The following CAMK2D variants were observed in gnomAD, a reference collection of about 807,000 sequenced individuals.
CAMK2D encodes the protein calcium/calmodulin-dependent protein kinase type II subunit delta.
Under a neutral mutation model 84.0 loss-of-function variants are expected in CAMK2D, and 37 were observed. The ratio of observed to expected loss-of-function variants is 0.44; its 90% confidence interval spans 0.34 to 0.58. CAMK2D has a LOEUF of 0.58. CAMK2D is among the 20% of genes least tolerant of loss of function. The pLI, the probability that CAMK2D is intolerant of heterozygous loss-of-function variation, is 0.02. For synonymous variants in CAMK2D, 202 were observed against 212.5 expected, an observed-to-expected ratio of 0.95 and a Z score of 0.43; for missense variants, 448 against 652.5, an observed-to-expected ratio of 0.69 and a Z score of 3.41.
intron 13 of CAMK2D, among the ~76,000 whole-genome samples, chr4:113,505,703 G>A (rs2098119889): frequency 6.6e-6 from 1 of 152,056 alleles, no homozygotes; most frequent in African/African-American, 2.4e-5. Flanking sequence ...CTGTCAATGT[G>A]CTACTGCTAT....
chr4:113,544,263 T>C lies in CAMK2D; in HGVS notation c.414+3381A>G, dbSNP rs181931866. The stretch of plus-strand genomic sequence containing the variant: ...TCTTTATTCCCAATGACACAGATTT[T>C]GTTTATCTCTGGAAGACCCATAGGC... On this transcript the variant is annotated intron_variant, in intron 6 of 20. Transcript: ENST00000511664. 8.1e-4 allele frequency among the ~76,000 whole-genome samples: 123 copies of C among 152,366 alleles called. 1 individual carries two copies. The highest frequency in any genetic ancestry group is 3.4e-3 in the Middle Eastern group (1 of 294).
Position 113,616,358 on chromosome 4 carries a change from T to A in CAMK2D, c.221-7152A>T, listed in dbSNP as rs186442812. On this transcript the variant is annotated intron_variant, in intron 3 of 20. Coordinates refer to ENST00000511664, the MANE Select transcript of CAMK2D (RefSeq NM_001321571.2). The stretch of plus-strand genomic sequence containing the variant: ...TGGTGACTATGGTCTCCATCCTTAT[T>A]CCCAAATCCTCACCCCACTCCTGAT... Among the ~76,000 whole-genome samples, 99 of 152,254 alleles carry A rather than the reference T, an allele frequency of 6.5e-4. 1 individual carries two copies. Among genetic ancestry groups the A allele is most frequent in the African/African-American group, 2.3e-3 (95 of 41,568 alleles).
At chr4:113,760,323 T>C (rs534401610) in intron 1 of CAMK2D, among the ~76,000 whole-genome samples, 1 of 152,272 alleles carries the variant, frequency 6.6e-6, no homozygotes, top group East Asian at 1.9e-4. Context: ...CCGTTGCCTG[T>C]ATAAATAAAT....
In CAMK2D at chr4:113,711,114, T is replaced by C. The variant is rs1417706825; in HGVS notation, c.160+48206A>G. Among the ~76,000 whole-genome samples the C allele has an allele frequency of 4.0e-5, 6 of 149,478 alleles. No homozygotes were observed. In the East Asian group the frequency reaches 7.8e-4, roughly 19 times the overall value. On this transcript the variant is annotated intron_variant, in intron 2 of 20. Transcript: ENST00000511664. The stretch of plus-strand genomic sequence containing the variant: ...TAGATTTCAATGAATTTACAAAAAA[T>C]ATAAATTTATTATATTTTATTAAAT...
intron 3 of CAMK2D, among the ~76,000 whole-genome samples, chr4:113,617,620 C>T (rs1464347888): frequency 2.0e-5 from 3 of 151,974 alleles, no homozygotes; most frequent in Non-Finnish European, 2.9e-5. Context: ...AGGCACATCC[C>T]TTGCTGATGA....
chr4:113,604,976 C>T (rs1357954967), intron 4 of CAMK2D, among the ~76,000 whole-genome samples: 1 of 152,114 alleles, frequency 6.6e-6, no homozygotes, highest in Non-Finnish European at 1.5e-5. Context: ...TATATCACGC[C>T]CAAATATGCC....
intron 2 of CAMK2D, among the ~76,000 whole-genome samples, chr4:113,703,945 G>C (rs930739043): frequency 9.3e-6 from 1 of 107,030 alleles, no homozygotes; most frequent in African/African-American, 3.6e-5. Context: ...TTTTTTTTAA[G>C]AACCAGGTAC....
At chr4:113,514,617 A>ATATT (rs1260181149) in intron 10 of CAMK2D, among the ~76,000 whole-genome samples, 1 of 152,146 alleles carries the variant, frequency 6.6e-6, no homozygotes, top group Non-Finnish European at 1.5e-5. Context: ...ATTCTTCTTA[A>ATATT]TATTTCTAAA....
chr4:113,508,851 G>A (rs1163727948), intron 13 of CAMK2D, among the ~76,000 whole-genome samples: 2 of 152,174 alleles, frequency 1.3e-5, no homozygotes, highest in Non-Finnish European at 1.5e-5. Context: ...TCCCAAGAAC[G>A]TTGAAGTGTT....
chr4:113,553,059 T>C (rs888457934), intron 4 of CAMK2D, among the ~76,000 whole-genome samples: 7 of 152,220 alleles, frequency 4.6e-5, no homozygotes, highest in African/African-American at 1.7e-4. Flanking sequence ...ACATTTCATC[T>C]TTGGGGTTTA....
rs2097264901 is a variant in CAMK2D, at chr4:113,452,568, A to C, written c.*1977T>G. 1 of 152,636 alleles carries C rather than the reference A, an allele frequency of 6.6e-6. No individual in the cohort carries two copies. The highest frequency in any genetic ancestry group is 2.4e-5 in the African/African-American group (1 of 41,456). The allele number at this position is 152,636 out of a possible 1,614,324, so 9.5% of individuals were successfully genotyped here. The stretch of plus-strand genomic sequence containing the variant: ...GTAATTCATTTGTGGTGGAGAGAAC[A>C]AATCACAATTTCCTCACATCTTAGT... On this transcript the variant is annotated 3_prime_UTR_variant, in exon 21 of 21. Transcript: ENST00000511664.
At position 113,609,189 on chromosome 4, in the gene CAMK2D, T is replaced by A. The variant is rs753112456; in HGVS notation, c.238A>T (p.Ile80Leu). 1.9e-6 allele frequency: 3 copies of A among 1,582,788 alleles called. No individual in the cohort carries two copies. In the South Asian group the frequency reaches 3.3e-5, roughly 18 times the overall value. The change falls in exon 4 of 21, where the codon ATA (isoleucine) becomes TTA (leucine). Residue 80 changes from isoleucine to leucine, a missense_variant. By Grantham distance (5) the Ile-to-Leu change is conservative (BLOSUM62 2). Transcript: ENST00000511664. ...AAGTAGTGAAAGCCCTCTTCTGATA[T>A]GCTATCATGAAGTCGCACTAGAAAA... is the stretch of plus-strand genomic sequence containing the variant. ...HPNIVRLHDS[I>L]SEEGFHYLVF...
chr4:113,727,497 AC>A (rs2099549733), intron 2 of CAMK2D, among the ~76,000 whole-genome samples: 1 of 152,192 alleles, frequency 6.6e-6, no homozygotes, highest in African/African-American at 2.4e-5. Flanking sequence ...TTTGCTCTTT[AC>A]CTCATATTAT....
intron 3 of CAMK2D, among the ~76,000 whole-genome samples, chr4:113,643,166 C>T (rs568986593): frequency 8.5e-5 from 13 of 152,274 alleles, no homozygotes; most frequent in African/African-American, 3.1e-4. Flanking sequence ...AGACAAGTGA[C>T]ATTACATTTC....
intron 5 of CAMK2D, among the ~76,000 whole-genome samples, chr4:113,551,608 TA>T (rs1180563442): frequency 6.6e-6 from 1 of 152,230 alleles, no homozygotes; most frequent in African/African-American, 2.4e-5. Context: ...CTAGACCAAC[TA>T]CATGGTTAGA....
chr4:113,492,853 T>C (rs1250021183), intron 16 of CAMK2D, among the ~76,000 whole-genome samples: 32 of 134,660 alleles, frequency 2.4e-4, no homozygotes, highest in African/African-American at 9.0e-4. Context: ...ATATTTAGGA[T>C]AGTTAGCTCT....
intron 2 of CAMK2D, among the ~76,000 whole-genome samples, chr4:113,693,403 C>A (rs372676850): frequency 2.0e-5 from 3 of 151,920 alleles, no homozygotes; most frequent in Non-Finnish European, 4.4e-5. Context: ...TAAAATATTG[C>A]GTTTTATTGG....
chr4:113,666,566 AAT>A (rs2154318690), intron 2 of CAMK2D, among the ~76,000 whole-genome samples: 1 of 152,026 alleles, frequency 6.6e-6, no homozygotes, highest in Non-Finnish European at 1.5e-5. Flanking sequence ...CCTCCCAACA[AAT>A]ACACACACAT....
chr4:113,687,928 T>C (rs2099364674), intron 2 of CAMK2D, among the ~76,000 whole-genome samples: 1 of 152,200 alleles, frequency 6.6e-6, no homozygotes, highest in Non-Finnish European at 1.5e-5. Context: ...ACATGAATTA[T>C]AACTAATAAA....
Sources: allele counts gnomAD v4.1 joint callset (sites outside exome capture counted in the v4.1 genomes callset), GRCh38; gene constraint gnomAD v4.1.1; transcripts MANE v1.5; gene names NCBI Gene and HGNC (gene_info 2026-07-23, HGNC 2026-07-21).